The following NHS variants were observed in gnomAD, a reference collection of about 807,000 sequenced individuals.
The protein encoded by NHS is actin remodeling regulator NHS.
In NHS, 5 loss-of-function variants were observed where a neutral mutation model predicts 72.5. The observed-to-expected ratio is 0.07, with a 90% confidence interval of 0.04 to 0.14. The LOEUF (loss-of-function observed/expected upper bound fraction) is 0.14. NHS is among the 10% of genes least tolerant of loss of function. The pLI is 1.00. For missense variants in NHS, 1,072 were observed against 1,355.7 expected, an observed-to-expected ratio of 0.79 and a Z score of 3.29; for synonymous variants, 464 against 547.7, an observed-to-expected ratio of 0.85 and a Z score of 2.13.
At position 17,726,942 on chromosome X, in the gene NHS, G is replaced by A. The variant is rs767738286; in HGVS notation, c.2836G>A (p.Ala946Thr). Residue 946 changes from alanine to threonine, a missense_variant, in exon 7 of 9, where the codon GCA (alanine) becomes ACA (threonine). Coordinates refer to ENST00000676302, the MANE Select transcript of NHS (RefSeq NM_001291867.2). Reference protein sequence around the residue: ...KDEVAESTHYADLWLLNDLKT... With the variant: ...KDEVAESTHYTDLWLLNDLKT... ...TGAAGTTGCCGAATCCACACACTAT[G>A]CAGACCTCTGGCTCCTAAATGACTT... is the stretch of plus-strand genomic sequence containing the variant. 8.3e-7 allele frequency: 1 copy of A among 1,210,413 alleles called. No individual in the cohort carries two copies. Among genetic ancestry groups the A allele is most frequent in the African/African-American group, 1.7e-5 (1 of 57,235 alleles).
At chrX:17,571,608 A>C (rs1421675396) in intron 1 of NHS, among the ~76,000 whole-genome samples, 2 of 111,662 alleles carry the variant, frequency 1.8e-5, no homozygotes, top group Non-Finnish European at 3.8e-5. Context: ...TGATCTTTTC[A>C]AAAAACCAGC....
At chrX:17,643,976 C>T (rs754084020) in intron 1 of NHS, among the ~76,000 whole-genome samples, 12 of 112,141 alleles carry the variant, frequency 1.1e-4, no homozygotes, top group Non-Finnish European at 1.7e-4. Context: ...CTTTAGCATC[C>T]GGTGAAGTTG....
chrX:17,488,427 A>C (rs1371210689), intron 1 of NHS, among the ~76,000 whole-genome samples: 4 of 110,889 alleles, frequency 3.6e-5, no homozygotes, highest in Non-Finnish European at 7.6e-5. Flanking sequence ...CAGGCAGGAG[A>C]GGCCTCCTGT....
intron 1 of NHS, among the ~76,000 whole-genome samples, chrX:17,512,116 C>T (rs922495862): frequency 4.5e-5 from 5 of 111,591 alleles, no homozygotes; most frequent in African/African-American, 9.8e-5. Context: ...TATTTCCTTA[C>T]GAGCATTTCC....
chrX:17,677,290 A>G (rs1569306655), intron 1 of NHS, among the ~76,000 whole-genome samples: 1 of 112,388 alleles, frequency 8.9e-6, no homozygotes, highest in East Asian at 2.8e-4. Flanking sequence ...AGGATGGTAC[A>G]TTTTGACAAG....
Position 17,476,176 on chromosome X carries a change from A to G in NHS, c.565+99854A>G, listed in dbSNP as rs150824069. On this transcript the variant is annotated intron_variant, in intron 1 of 8. Coordinates refer to ENST00000676302, the MANE Select transcript of NHS (RefSeq NM_001291867.2). ...TTAGACCACACTGTGAATATAGCAC[A>G]TTTTATCAGAAGCCTAAAGAAGAAG... Among the ~76,000 whole-genome samples, 716 of 111,796 alleles carry G rather than the reference A, an allele frequency of 6.4e-3. 9 individuals carry two copies. The highest frequency in any genetic ancestry group is 0.022 in the African/African-American group (685 of 30,726).
At chrX:17,535,493 G>A (rs753073245) in intron 1 of NHS, among the ~76,000 whole-genome samples, 1 of 111,830 alleles carries the variant, frequency 8.9e-6, no homozygotes, top group African/African-American at 3.2e-5. Context: ...ATCCTAAGGT[G>A]AGTTGATTGA....
At chrX:17,719,651 T>C (rs183535159) in intron 4 of NHS, among the ~76,000 whole-genome samples, 18 of 110,941 alleles carry the variant, frequency 1.6e-4, no homozygotes, top group Non-Finnish European at 2.1e-4. Flanking sequence ...CACCTAACAC[T>C]ACTCTTGGAC....
intron 1 of NHS, among the ~76,000 whole-genome samples, chrX:17,417,633 G>A (rs772325944): frequency 8.9e-6 from 1 of 111,873 alleles, no homozygotes; most frequent in Non-Finnish European, 1.9e-5. Flanking sequence ...CTAACTTATG[G>A]CCTTCAGGGT....
intron 3 of NHS, among the ~76,000 whole-genome samples, chrX:17,708,121 C>A (rs1048335918): frequency 5.4e-5 from 6 of 112,101 alleles, no homozygotes; most frequent in Admixed American, 1.9e-4. Flanking sequence ...TTCTCTGTAT[C>A]TCAGATAATT....
chrX:17,606,419 G>T (rs1398518990), intron 1 of NHS, among the ~76,000 whole-genome samples: 6 of 111,859 alleles, frequency 5.4e-5, no homozygotes. Context: ...ACTTGCTGGG[G>T]CCGACGTGAC....
chrX:17,453,940 G>A (rs139501253), intron 1 of NHS, among the ~76,000 whole-genome samples: 61 of 112,082 alleles, frequency 5.4e-4, no homozygotes, highest in African/African-American at 1.8e-3. Context: ...ACTTAAAGAA[G>A]ATGGCAGCAG....
At chrX:17,539,255 G>C (rs2065250673) in intron 1 of NHS, among the ~76,000 whole-genome samples, 1 of 110,615 alleles carries the variant, frequency 9.0e-6, no homozygotes, top group Non-Finnish European at 1.9e-5. Context: ...TGGTTAGTGA[G>C]GCCCTTCCCA....
At chrX:17,538,667 G>C (rs1390600869) in intron 1 of NHS, among the ~76,000 whole-genome samples, 2 of 112,029 alleles carry the variant, frequency 1.8e-5, no homozygotes, top group Non-Finnish European at 3.8e-5. Context: ...CACGTGCAAA[G>C]TGGGAAGGGG....
intron 1 of NHS, among the ~76,000 whole-genome samples, chrX:17,638,811 C>A (rs2065864785): frequency 8.9e-6 from 1 of 111,902 alleles, no homozygotes; most frequent in African/African-American, 3.2e-5. Flanking sequence ...CTGGCACAGG[C>A]AAAAGCTTTG....
intron 1 of NHS, among the ~76,000 whole-genome samples, chrX:17,592,339 T>A (rs1004994123): frequency 3.6e-5 from 4 of 112,030 alleles, no homozygotes; most frequent in Non-Finnish European, 7.5e-5. Context: ...ATTTAGCTTT[T>A]GTGTCAGCCC....
chrX:17,722,796 G>A (rs2066413975), intron 5 of NHS, among the ~76,000 whole-genome samples: 1 of 110,736 alleles, frequency 9.0e-6, no homozygotes, highest in Non-Finnish European at 1.9e-5. Context: ...TTCATTTCTG[G>A]AAACCTCTGA....
chrX:17,407,853 G>T lies in NHS; in HGVS notation c.565+31531G>T, dbSNP rs916946985. On this transcript the variant is annotated intron_variant, in intron 1 of 8. Transcript: ENST00000676302. ...GAGGTCTCCCAGGGTAAGTCAGCCA[G>T]ACTGAGAGTGACCCAAGAAGATGGG... Among the ~76,000 whole-genome samples the T allele has an allele frequency of 2.7e-5, 3 of 111,439 alleles. No homozygotes were observed. The Admixed American group carries it at 2.9e-4, about 11-fold the overall frequency.
chrX:17,450,436 T>G (rs780358195), intron 1 of NHS, among the ~76,000 whole-genome samples: 1 of 112,090 alleles, frequency 8.9e-6, no homozygotes, highest in African/African-American at 3.2e-5. Context: ...GAAGCTGGTA[T>G]TGCTGTTGCT....
Sources: allele counts gnomAD v4.1 joint callset (sites outside exome capture counted in the v4.1 genomes callset), GRCh38; gene constraint gnomAD v4.1.1; transcripts MANE v1.5; gene names NCBI Gene and HGNC (gene_info 2026-07-23, HGNC 2026-07-21).